RBPJ: variants seen among roughly 807,000 people sequenced by gnomAD.
RBPJ encodes recombination signal binding protein for immunoglobulin kappa J region.
In RBPJ, 9 loss-of-function variants were observed where a neutral mutation model predicts 67.8. The ratio of observed to expected loss-of-function variants is 0.13; its 90% confidence interval spans 0.08 to 0.23. The LOEUF is 0.23. RBPJ is among the 10% of genes least tolerant of loss of function. The pLI is 1.00. For synonymous variants in RBPJ, 198 were observed against 203.3 expected, an observed-to-expected ratio of 0.97 and a Z score of 0.22; for missense variants, 305 against 595.6, an observed-to-expected ratio of 0.51 and a Z score of 5.08.
intron 1 of RBPJ, among the ~76,000 whole-genome samples, chr4:26,324,570 G>C (rs930587623): frequency 1.3e-4 from 19 of 151,964 alleles, no homozygotes; most frequent in Admixed American, 7.9e-4. Flanking sequence ...TCACTCTGTG[G>C]CCAGGCTGGA....
intron 1 of RBPJ, among the ~76,000 whole-genome samples, chr4:26,295,678 C>G (rs1721848352): frequency 6.6e-6 from 1 of 152,104 alleles, no homozygotes; most frequent in Non-Finnish European, 1.5e-5. Context: ...CACCTCCTTC[C>G]CCATAGCCCT....
upstream of RBPJ, among the ~76,000 whole-genome samples, chr4:26,315,382 G>A (rs1352887841): frequency 6.6e-6 from 1 of 151,410 alleles, no homozygotes; most frequent in African/African-American, 2.4e-5. Flanking sequence ...CACCTGAGCT[G>A]CAAAACCAGC....
chr4:26,404,836 C>T lies in RBPJ; in HGVS notation c.60-1339C>T, dbSNP rs115183284. ...CCTTATGCTTTCCTCCTCCCACTTC[C>T]TGTGTCTACTTCTCGCTCAGAATTA... On this transcript the variant is annotated intron_variant, in intron 2 of 10. Coordinates refer to ENST00000355476, the MANE Select transcript of RBPJ (RefSeq NM_015874.6). Among the ~76,000 whole-genome samples the T allele has an allele frequency of 6.8e-3, 1,035 of 152,294 alleles. 18 individuals are homozygous for T. Among genetic ancestry groups the T allele is most frequent in the African/African-American group, 0.024 (999 of 41,560 alleles).
At chr4:26,349,448 C>T (rs1726572430) in intron 1 of RBPJ, among the ~76,000 whole-genome samples, 1 of 152,118 alleles carries the variant, frequency 6.6e-6, no homozygotes, top group African/African-American at 2.4e-5. Flanking sequence ...TTGAATATCA[C>T]TTCTTTAATA....
chr4:26,270,854 T>C (rs1720894374), intron 1 of RBPJ, among the ~76,000 whole-genome samples: 1 of 152,042 alleles, frequency 6.6e-6, no homozygotes, highest in Non-Finnish European at 1.5e-5. Context: ...GAAAGAAACA[T>C]GAATAAAATC....
At chr4:26,279,785 C>CT (rs1026614295) in intron 1 of RBPJ, among the ~76,000 whole-genome samples, 39,096 of 116,622 alleles carry the variant, frequency 0.34, 7,151 homozygotes, top group Non-Finnish European at 0.41. Context: ...TTGAAATTGT[C>CT]TTTTTTTTTT....
At position 26,176,970 on chromosome 4, in the gene RBPJ, C is replaced by G. The variant is rs76234009; in HGVS notation, c.-167+13356C>G. Among the ~76,000 whole-genome samples, 1,746 of 152,268 alleles carry G rather than the reference C, an allele frequency of 0.011. 45 individuals carry two copies. The East Asian group carries it at 0.13, about 11-fold the overall frequency. ...GAGGGAAGGAGTGTCCTGCTAGAAC[C>G]TTTTCTTGTCTGAAGATGAGATGAT... On this transcript the variant is annotated intron_variant, in intron 1 of 4. Transcript: ENST00000512351.
chr4:26,412,675 G>GA (rs1734160796), intron 3 of RBPJ, among the ~76,000 whole-genome samples: 1 of 152,130 alleles, frequency 6.6e-6, no homozygotes, highest in South Asian at 2.1e-4. Flanking sequence ...CAGCTCTTTT[G>GA]AGTTTTATAG....
At chr4:26,106,717 TC>T in the RBPJ span, among the ~76,000 whole-genome samples, 1 of 152,176 alleles carries the variant, frequency 6.6e-6, no homozygotes, top group Admixed American at 6.5e-5. Flanking sequence ...ATTTGGTAAG[TC>T]ACTGAATACC....
chr4:26,119,769 T>C, the RBPJ span, among the ~76,000 whole-genome samples: 1 of 152,232 alleles, frequency 6.6e-6, no homozygotes, highest in East Asian at 1.9e-4. Context: ...TGTAACGGCC[T>C]CAATTCTTTC....
chr4:26,275,033 A>G (rs1205545105), intron 1 of RBPJ, among the ~76,000 whole-genome samples: 1 of 152,186 alleles, frequency 6.6e-6, no homozygotes, highest in African/African-American at 2.4e-5. Context: ...GCCATAAAGG[A>G]AGATAGCATT....
chr4:26,340,588 G>T (rs564152961), intron 1 of RBPJ, among the ~76,000 whole-genome samples: 1 of 152,100 alleles, frequency 6.6e-6, no homozygotes, highest in South Asian at 2.1e-4. Context: ...GGCCGGGCGG[G>T]GTAGCTCATG....
chr4:26,221,162 C>G (rs954821469), intron 1 of RBPJ, among the ~76,000 whole-genome samples: 1 of 152,176 alleles, frequency 6.6e-6, no homozygotes, highest in Non-Finnish European at 1.5e-5. Context: ...GCGATCTCGG[C>G]TCACTGCAAC....
At chr4:26,211,843 T>G (rs1457331357) in intron 1 of RBPJ, among the ~76,000 whole-genome samples, 1 of 152,150 alleles carries the variant, frequency 6.6e-6, no homozygotes, top group Non-Finnish European at 1.5e-5. Flanking sequence ...AGTAATTAGT[T>G]AAGATGAGAT....
chr4:26,178,682 G>C (rs1445220550), intron 1 of RBPJ, among the ~76,000 whole-genome samples: 1 of 151,322 alleles, frequency 6.6e-6, no homozygotes, highest in Non-Finnish European at 1.5e-5. Context: ...CAGAGGAGGG[G>C]AGTGAGAGTG....
chr4:26,307,699 A>G (rs1399413794), intron 1 of RBPJ, among the ~76,000 whole-genome samples: 17 of 152,246 alleles, frequency 1.1e-4, no homozygotes, highest in Admixed American at 9.8e-4. Context: ...GGTAAAATTT[A>G]GGCCACATGT....
At chr4:26,361,916 C>T (rs559969113) in intron 1 of RBPJ, among the ~76,000 whole-genome samples, 3 of 152,236 alleles carry the variant, frequency 2.0e-5, no homozygotes, top group South Asian at 2.1e-4. Flanking sequence ...GATGGTTAGC[C>T]GTCTGTCTGT....
chr4:26,105,503 C>A, the RBPJ span, among the ~76,000 whole-genome samples: 1 of 152,084 alleles, frequency 6.6e-6, no homozygotes, highest in Non-Finnish European at 1.5e-5. Context: ...GAAGCTCAAT[C>A]TGAATAAACA....
intron 1 of RBPJ, among the ~76,000 whole-genome samples, chr4:26,339,344 A>T (rs187324841): frequency 6.6e-6 from 1 of 151,364 alleles, no homozygotes; most frequent in Non-Finnish European, 1.5e-5. Flanking sequence ...CCAGATTTCA[A>T]TTTCGTTGTT....
Sources: gnomAD v4.1 joint callset for allele counts (sites outside exome capture counted in the v4.1 genomes callset) on GRCh38, gnomAD v4.1.1 for gene constraint, MANE v1.5 for transcripts, NCBI Gene and HGNC (gene_info 2026-07-23, HGNC 2026-07-21) for gene names.